The following NBAS variants were observed in gnomAD, a reference collection of about 807,000 sequenced individuals.
The protein encoded by NBAS is NBAS subunit of NRZ tethering complex.
A neutral mutation model predicts 302.5 loss-of-function variants in NBAS; 219 were observed. The ratio of observed to expected loss-of-function variants is 0.72; its 90% confidence interval spans 0.65 to 0.81. NBAS has a LOEUF of 0.81. NBAS is among the 30% of genes least tolerant of loss of function. The probability of loss-of-function intolerance (pLI) is 0.00; values close to 1 mark genes in which losing one functional copy is unlikely to be tolerated. For missense variants in NBAS, 2,932 were observed against 2,841.6 expected (o/e 1.03, Z -0.72); for synonymous variants, 1,118 against 1,021.6 (o/e 1.09, Z -1.80).
intron 25 of NBAS, among the ~76,000 whole-genome samples, chr2:15,409,440 T>A (rs542511413): frequency 1.3e-5 from 2 of 152,334 alleles, no homozygotes; most frequent in South Asian, 2.1e-4. Context: ...ATCCTCAATG[T>A]CTTTTAACCC....
chr2:15,425,445 T>C (rs955449674), intron 22 of NBAS, among the ~76,000 whole-genome samples: 4 of 152,210 alleles, frequency 2.6e-5, no homozygotes, highest in African/African-American at 4.8e-5. Context: ...TACAAGAATG[T>C]TGTGAAAATT....
chr2:14,811,273 G>T, the NBAS span, among the ~76,000 whole-genome samples: 1 of 152,072 alleles, frequency 6.6e-6, no homozygotes, highest in East Asian at 1.9e-4. Flanking sequence ...AGCCAGGCAT[G>T]GTGGCGCATG....
chr2:15,504,109 T>A, intron 11 of NBAS, 36 bp downstream of exon 11: 5 of 1,565,126 alleles, frequency 3.2e-6, no homozygotes, highest in Non-Finnish European at 4.4e-6. Flanking sequence ...TAAAAATGTT[T>A]GAGAAGCCCA....
intron 23 of NBAS, among the ~76,000 whole-genome samples, chr2:15,421,487 T>C (rs1677210291): frequency 1.3e-5 from 2 of 152,132 alleles, no homozygotes; most frequent in Admixed American, 1.3e-4. Flanking sequence ...CAAACAAGTT[T>C]CGCTAAAGGC....
intron 47 of NBAS, among the ~76,000 whole-genome samples, chr2:15,226,491 TAA>T (rs1263779087): frequency 1.3e-5 from 2 of 152,198 alleles, no homozygotes; most frequent in African/African-American, 2.4e-5. Flanking sequence ...ACATAAATAA[TAA>T]GAGACAGCAT....
At chr2:15,263,284 G>A (rs1352256609) in intron 44 of NBAS, among the ~76,000 whole-genome samples, 1 of 152,098 alleles carries the variant, frequency 6.6e-6, no homozygotes, top group African/African-American at 2.4e-5. Flanking sequence ...GGGACTCCAG[G>A]GTTTTCACCA....
the NBAS span, among the ~76,000 whole-genome samples, chr2:15,145,586 G>A: frequency 6.6e-6 from 1 of 152,082 alleles, no homozygotes; most frequent in Non-Finnish European, 1.5e-5. Flanking sequence ...AGGAAGAGGA[G>A]CATCTGAGTC....
In NBAS at chr2:15,502,932, T is replaced by C. The variant is rs147722862; in HGVS notation, c.954+1213A>G. Among the ~76,000 whole-genome samples, 778 of 152,356 alleles carry C rather than the reference T, an allele frequency of 5.1e-3. 3 individuals carry two copies. The highest frequency in any genetic ancestry group is 0.017 in the African/African-American group (691 of 41,582). On this transcript the variant is annotated intron_variant, in intron 11 of 51. Transcript: ENST00000281513. ...ACATTAGCTTAAAACACAAACATGC[T>C]ATACATACATCTGTATTAAAAAAAT...
At chr2:14,851,526 T>C in the NBAS span, among the ~76,000 whole-genome samples, 8 of 138,596 alleles carry the variant, frequency 5.8e-5, no homozygotes, top group South Asian at 2.3e-4. Context: ...TACCATTCCT[T>C]CTGAAACTAT....
chr2:15,240,485 C>T (rs62121524), intron 44 of NBAS, among the ~76,000 whole-genome samples: 1 of 149,388 alleles, frequency 6.7e-6, no homozygotes, highest in Non-Finnish European at 1.5e-5. Context: ...GGCGTGGTGG[C>T]GGGCGCCTGT....
the NBAS span, among the ~76,000 whole-genome samples, chr2:15,094,221 A>G: frequency 1.3e-5 from 2 of 152,168 alleles, no homozygotes; most frequent in Non-Finnish European, 2.9e-5. Flanking sequence ...ACTGGCTATT[A>G]AGGTAACTGT....
the NBAS span, among the ~76,000 whole-genome samples, chr2:14,986,016 T>C: frequency 6.6e-6 from 1 of 152,044 alleles, no homozygotes; most frequent in African/African-American, 2.4e-5. Context: ...GCCACATGAG[T>C]AGTTGAAATA....
intron 10 of NBAS, among the ~76,000 whole-genome samples, chr2:15,510,168 G>T (rs1039280254): frequency 6.6e-6 from 1 of 152,178 alleles, no homozygotes; most frequent in Non-Finnish European, 1.5e-5. Context: ...CTTTCATACA[G>T]TTTACACAAA....
chr2:14,808,331 G>C, the NBAS span, among the ~76,000 whole-genome samples: 1 of 152,190 alleles, frequency 6.6e-6, no homozygotes, highest in Non-Finnish European at 1.5e-5. Flanking sequence ...ATCATTCTGA[G>C]AGACAGCTGG....
At chr2:15,114,325 A>C in the NBAS span, among the ~76,000 whole-genome samples, 3 of 151,848 alleles carry the variant, frequency 2.0e-5, no homozygotes, top group African/African-American at 7.3e-5. Flanking sequence ...TCGTAGATGG[A>C]CCTCCTCTCC....
the NBAS span, among the ~76,000 whole-genome samples, chr2:15,070,308 T>C: frequency 1.3e-5 from 2 of 152,162 alleles, no homozygotes; most frequent in Non-Finnish European, 2.9e-5. Context: ...GCTCTTTTTG[T>C]ATACACAGGG....
the NBAS span, among the ~76,000 whole-genome samples, chr2:14,842,411 A>G: frequency 3.9e-5 from 6 of 151,958 alleles, no homozygotes; most frequent in African/African-American, 1.4e-4. Flanking sequence ...AACAAAATTA[A>G]TAAACTTTCT....
the NBAS span, among the ~76,000 whole-genome samples, chr2:15,008,735 C>G: frequency 6.6e-6 from 1 of 152,290 alleles, no homozygotes; most frequent in East Asian, 1.9e-4. Flanking sequence ...GTTTTATTTT[C>G]ACTCCTTGCC....
At chr2:15,211,525 A>G (rs1190278065) in intron 48 of NBAS, among the ~76,000 whole-genome samples, 5 of 152,218 alleles carry the variant, frequency 3.3e-5, no homozygotes. Flanking sequence ...CAGTTATTCT[A>G]TCTCCTCTAC....
Sources: allele counts gnomAD v4.1 joint callset (sites outside exome capture counted in the v4.1 genomes callset), GRCh38; gene constraint gnomAD v4.1.1; transcripts MANE v1.5; gene names NCBI Gene and HGNC (gene_info 2026-07-23, HGNC 2026-07-21).